The following ROBO1 variants were observed in gnomAD, a reference collection of about 807,000 sequenced individuals.
ROBO1 encodes the protein roundabout guidance receptor 1, also known as roundabout homolog 1.
Under a neutral mutation model 195.9 loss-of-function variants are expected in ROBO1, and 149 were observed. That is an observed-to-expected ratio of 0.76 (90% confidence interval 0.67 to 0.87). The LOEUF is 0.87. Among genes scored for constraint, ROBO1 ranks in the 40% least tolerant of loss-of-function variants. The pLI, the probability that ROBO1 is intolerant of heterozygous loss-of-function variation, is 0.00. For missense variants in ROBO1, 1,933 were observed against 2,068.3 expected, an observed-to-expected ratio of 0.93 and a Z score of 1.27; for synonymous variants, 816 against 733.2, an observed-to-expected ratio of 1.11 and a Z score of -1.82.
At chr3:79,142,834 T>C (rs531333321) in intron 2 of ROBO1, among the ~76,000 whole-genome samples, 8 of 152,268 alleles carry the variant, frequency 5.3e-5, no homozygotes, top group African/African-American at 1.4e-4. Context: ...TGCTGAGTTC[T>C]ATATATTGAC....
chr3:78,919,328 C>T (rs933461939), intron 4 of ROBO1, among the ~76,000 whole-genome samples: 1 of 152,156 alleles, frequency 6.6e-6, no homozygotes, highest in African/African-American at 2.4e-5. Context: ...AGATGAGTAA[C>T]TTCTTGTCTT....
At chr3:79,043,702 T>G (rs1002665593) in intron 3 of ROBO1, among the ~76,000 whole-genome samples, 73 of 152,164 alleles carry the variant, frequency 4.8e-4, no homozygotes, top group African/African-American at 1.7e-3. Context: ...GCTGTCAAAC[T>G]AAGTTGATAA....
chr3:79,194,508 G>C (rs984252285), intron 2 of ROBO1, among the ~76,000 whole-genome samples: 1 of 151,524 alleles, frequency 6.6e-6, no homozygotes, highest in African/African-American at 2.4e-5. Context: ...GGACACGAGG[G>C]AGCCCTGAAG....
intron 2 of ROBO1, among the ~76,000 whole-genome samples, chr3:79,247,864 A>G (rs1460147759): frequency 6.6e-6 from 1 of 152,134 alleles, no homozygotes; most frequent in African/African-American, 2.4e-5. Flanking sequence ...AGTCCCAGAC[A>G]CAGAATAAAT....
intron 2 of ROBO1, among the ~76,000 whole-genome samples, chr3:79,505,424 TA>T (rs371548588): frequency 2.0e-5 from 3 of 152,138 alleles, no homozygotes; most frequent in African/African-American, 7.2e-5. Context: ...AGCAGAAGTC[TA>T]AAACTAAATG....
At chr3:79,487,033 A>G (rs1333453023) in intron 2 of ROBO1, among the ~76,000 whole-genome samples, 1 of 152,074 alleles carries the variant, frequency 6.6e-6, no homozygotes, top group Non-Finnish European at 1.5e-5. Flanking sequence ...TCCCACCCCT[A>G]GAGACTCAAG....
intron 26 of ROBO1, among the ~76,000 whole-genome samples, chr3:78,626,181 T>C (rs1651326388): frequency 6.6e-6 from 1 of 152,156 alleles, no homozygotes; most frequent in Non-Finnish European, 1.5e-5. Flanking sequence ...AAATGGTCTC[T>C]TTTAGTCTCT....
At chr3:79,488,544 C>A (rs1337509979) in intron 2 of ROBO1, among the ~76,000 whole-genome samples, 5 of 151,898 alleles carry the variant, frequency 3.3e-5, no homozygotes, top group Admixed American at 1.3e-4. Flanking sequence ...CAACTGTGAC[C>A]AATAAAAAGA....
chr3:79,006,606 T>C (rs564866917), intron 3 of ROBO1, among the ~76,000 whole-genome samples: 7 of 152,198 alleles, frequency 4.6e-5, no homozygotes, highest in African/African-American at 1.7e-4. Context: ...GAAAAGTCCA[T>C]CTGAAAGTCC....
chr3:79,559,984 T>C (rs1942849075), intron 2 of ROBO1, among the ~76,000 whole-genome samples: 1 of 152,104 alleles, frequency 6.6e-6, no homozygotes, highest in South Asian at 2.1e-4. Flanking sequence ...AATATTAATG[T>C]TTTCTAAAAC....
intron 2 of ROBO1, among the ~76,000 whole-genome samples, chr3:79,489,674 G>T (rs1052537452): frequency 1.4e-5 from 2 of 147,452 alleles, no homozygotes; most frequent in African/African-American, 5.0e-5. Context: ...AAAAAAGAAA[G>T]AAAGAAGTAA....
chr3:79,024,451 A>G (rs577711010), intron 3 of ROBO1, among the ~76,000 whole-genome samples: 102 of 152,312 alleles, frequency 6.7e-4, no homozygotes, highest in African/African-American at 2.4e-3. Flanking sequence ...TTATTATCCC[A>G]CTTTAGAGAT....
intron 4 of ROBO1, among the ~76,000 whole-genome samples, chr3:78,815,335 C>A (rs1032279643): frequency 6.6e-6 from 1 of 152,030 alleles, no homozygotes; most frequent in African/African-American, 2.4e-5. Context: ...GCTGTGAATA[C>A]AAAGGAAAAG....
chr3:79,350,922 T>G (rs1048594912), intron 2 of ROBO1, among the ~76,000 whole-genome samples: 1 of 152,072 alleles, frequency 6.6e-6, no homozygotes, highest in African/African-American at 2.4e-5. Context: ...CCCTAACTCC[T>G]GGCCTCAATT....
intron 10 of ROBO1, among the ~76,000 whole-genome samples, chr3:78,676,379 A>G (rs1708427778): frequency 6.6e-6 from 1 of 152,202 alleles, no homozygotes; most frequent in African/African-American, 2.4e-5. Flanking sequence ...AACTACTCCG[A>G]GCTACACAAG....
At chr3:79,495,865 G>C (rs1396122167) in intron 2 of ROBO1, among the ~76,000 whole-genome samples, 1 of 151,924 alleles carries the variant, frequency 6.6e-6, no homozygotes, top group Admixed American at 6.6e-5. Context: ...CCTCACTTAT[G>C]AATGGAGATA....
chr3:78,736,152 T>C (rs1241332356), intron 5 of ROBO1, among the ~76,000 whole-genome samples: 4 of 152,158 alleles, frequency 2.6e-5, no homozygotes, highest in Non-Finnish European at 5.9e-5. Flanking sequence ...AGATAAGAAA[T>C]ACGTAATTGT....
chr3:79,153,600 G>A (rs1394365207), intron 2 of ROBO1, among the ~76,000 whole-genome samples: 1 of 151,122 alleles, frequency 6.6e-6, no homozygotes, highest in Non-Finnish European at 1.5e-5. Flanking sequence ...GCTTATTACA[G>A]AAAATAGCAA....
intron 2 of ROBO1, among the ~76,000 whole-genome samples, chr3:79,196,048 G>A (rs755975460): frequency 1.1e-4 from 16 of 151,368 alleles, no homozygotes; most frequent in Non-Finnish European, 1.5e-4. Context: ...AAGTATAGTG[G>A]ACAAAAAGAT....
Sources: gnomAD v4.1 joint callset for allele counts (sites outside exome capture counted in the v4.1 genomes callset) on GRCh38, gnomAD v4.1.1 for gene constraint, MANE v1.5 for transcripts, NCBI Gene and HGNC (gene_info 2026-07-23, HGNC 2026-07-21) for gene names.